The following SORCS1 variants were observed in gnomAD, a reference collection of about 807,000 sequenced individuals.
The protein encoded by SORCS1 is VPS10 domain-containing receptor SorCS1.
SORCS1 carries 60 observed loss-of-function variants against 146.1 expected under a neutral mutation model. The observed-to-expected ratio is 0.41, with a 90% CI of 0.33 to 0.51. The LOEUF (loss-of-function observed/expected upper bound fraction) is 0.51, where lower values mean the gene tolerates loss of function less well. SORCS1 is among the 20% of genes least tolerant of loss of function. SORCS1 has a pLI of 0.21. For missense variants in SORCS1, 1,352 were observed against 1,487.6 expected, an observed-to-expected ratio of 0.91 and a Z score of 1.50; for synonymous variants, 637 against 584.0, an observed-to-expected ratio of 1.09 and a Z score of -1.31.
At chr10:107,043,899 C>G (rs1015912880) in intron 1 of SORCS1, among the ~76,000 whole-genome samples, 1 of 152,174 alleles carries the variant, frequency 6.6e-6, no homozygotes, top group Non-Finnish European at 1.5e-5. Context: ...TTCCGAAAGT[C>G]CTGCTCACTT....
chr10:107,100,574 T>C (rs1352672769), intron 1 of SORCS1, among the ~76,000 whole-genome samples: 1 of 151,576 alleles, frequency 6.6e-6, no homozygotes, highest in Non-Finnish European at 1.5e-5. Context: ...GTCAAAGCTA[T>C]CTTGTATCTA....
intron 2 of SORCS1, among the ~76,000 whole-genome samples, chr10:106,857,561 G>A (rs1396807275): frequency 6.6e-6 from 1 of 152,176 alleles, no homozygotes; most frequent in Non-Finnish European, 1.5e-5. Flanking sequence ...CATAAAAATA[G>A]CTCCGAAAGC....
intron 3 of SORCS1, among the ~76,000 whole-genome samples, chr10:106,791,051 A>C (rs1946294384): frequency 6.6e-6 from 1 of 152,226 alleles, no homozygotes; most frequent in Non-Finnish European, 1.5e-5. Flanking sequence ...ATGCATATAT[A>C]GATATACACA....
chr10:106,888,078 G>A (rs1951073919), intron 2 of SORCS1, among the ~76,000 whole-genome samples: 1 of 152,122 alleles, frequency 6.6e-6, no homozygotes, highest in Admixed American at 6.6e-5. Context: ...GCAATCCATG[G>A]TGTCATACGG....
At chr10:107,029,774 A>T (rs944220158) in intron 1 of SORCS1, among the ~76,000 whole-genome samples, 4 of 152,182 alleles carry the variant, frequency 2.6e-5, no homozygotes, top group African/African-American at 7.2e-5. Flanking sequence ...ATGCATACAA[A>T]CTCATTCTAT....
chr10:106,940,467 T>C (rs1173343635), intron 2 of SORCS1, among the ~76,000 whole-genome samples: 1 of 152,188 alleles, frequency 6.6e-6, no homozygotes, highest in African/African-American at 2.4e-5. Context: ...AAGAGATGAA[T>C]AGAAAGTGCT....
intron 1 of SORCS1, among the ~76,000 whole-genome samples, chr10:107,015,374 G>C (rs1437622274): frequency 1.3e-5 from 2 of 152,126 alleles, no homozygotes; most frequent in Non-Finnish European, 2.9e-5. Flanking sequence ...GGGCAAGGAG[G>C]TTTAAAGTGA....
intron 23 of SORCS1, chr10:106,600,742 T>G: frequency 1.0e-6 from 1 of 983,362 alleles, no homozygotes; most frequent in Non-Finnish European, 1.2e-6. Context: ...ATACCAAAGT[T>G]TATTCAGTTA....
intron 1 of SORCS1, among the ~76,000 whole-genome samples, chr10:107,076,346 T>C (rs1470462055): frequency 2.0e-5 from 3 of 152,156 alleles, no homozygotes; most frequent in African/African-American, 2.4e-5. Context: ...TAAGCCAGCA[T>C]AGCCCAAACA....
chr10:106,953,183 G>A (rs1291698735), intron 2 of SORCS1, among the ~76,000 whole-genome samples: 1 of 150,860 alleles, frequency 6.6e-6, no homozygotes, highest in Non-Finnish European at 1.5e-5. Context: ...GTGCATGCGT[G>A]TGTGTATACG....
Position 106,800,574 on chromosome 10 carries a change from T to G in SORCS1, c.727-23882A>C, listed in dbSNP as rs1157283332. 8.3e-5 allele frequency among the ~76,000 whole-genome samples: 12 copies of G among 144,412 alleles called. No individual in the cohort carries two copies. In the East Asian group the frequency reaches 2.3e-3, roughly 27 times the overall value. 94.7% of individuals were successfully genotyped at this position (144,412 alleles called of 152,430 possible). On this transcript the variant is annotated intron_variant, in intron 3 of 25. Transcript: ENST00000263054. The stretch of plus-strand genomic sequence containing the variant: ...TCTTGCTCTGTTGCCTAGGCTGGAG[T>G]GTAGTGGCGCGATCTCGGCTCACTG...
intron 18 of SORCS1, among the ~76,000 whole-genome samples, chr10:106,638,488 C>A (rs1212452002): frequency 2.6e-5 from 4 of 152,140 alleles, no homozygotes; most frequent in Admixed American, 6.5e-5. Flanking sequence ...ATATCACCCA[C>A]AGATTACCTT....
At chr10:106,875,451 T>C (rs1413932414) in intron 2 of SORCS1, among the ~76,000 whole-genome samples, 2 of 152,204 alleles carry the variant, frequency 1.3e-5, no homozygotes, top group Non-Finnish European at 2.9e-5. Flanking sequence ...GTTCATATAA[T>C]GACTTATTTT....
intron 2 of SORCS1, among the ~76,000 whole-genome samples, chr10:106,836,640 A>C: frequency 6.6e-6 from 1 of 152,144 alleles, no homozygotes; most frequent in East Asian, 1.9e-4. Flanking sequence ...AAGAAACATT[A>C]ACTAAAACTC....
At chr10:106,955,442 T>A (rs191360550) in intron 2 of SORCS1, among the ~76,000 whole-genome samples, 3 of 152,268 alleles carry the variant, frequency 2.0e-5, no homozygotes, top group East Asian at 3.9e-4. Context: ...ATGAGCTGAG[T>A]GCAGCCTGAT....
intron 1 of SORCS1, among the ~76,000 whole-genome samples, chr10:107,144,046 G>A (rs1407255958): frequency 1.3e-5 from 2 of 152,014 alleles, no homozygotes; most frequent in African/African-American, 4.8e-5. Flanking sequence ...TTCATGGGCT[G>A]TTCCCTTTTG....
chr10:106,965,699 T>C (rs1055506126), intron 1 of SORCS1, among the ~76,000 whole-genome samples: 1 of 152,194 alleles, frequency 6.6e-6, no homozygotes, highest in Non-Finnish European at 1.5e-5. Context: ...CTAATCCCTG[T>C]GCTAAACTTT....
intron 2 of SORCS1, among the ~76,000 whole-genome samples, chr10:106,893,009 C>T (rs1951297421): frequency 6.6e-6 from 1 of 151,654 alleles, no homozygotes; most frequent in Non-Finnish European, 1.5e-5. Context: ...ATTCTCCTGC[C>T]TCAGCCTCCC....
intron 1 of SORCS1, among the ~76,000 whole-genome samples, chr10:107,054,685 T>G (rs181493939): frequency 2.0e-5 from 3 of 152,286 alleles, no homozygotes; most frequent in African/African-American, 7.2e-5. Flanking sequence ...TGAACTCTAC[T>G]CCCTGGGACA....
Sources: allele counts gnomAD v4.1 joint callset (sites outside exome capture counted in the v4.1 genomes callset), GRCh38; gene constraint gnomAD v4.1.1; transcripts MANE v1.5; gene names NCBI Gene and HGNC (gene_info 2026-07-23, HGNC 2026-07-21).